Variants in TCL1B observed in about 807,000 individuals in gnomAD.
The protein encoded by TCL1B is T-cell leukemia/lymphoma protein 1B.
A neutral mutation model predicts 16.9 loss-of-function variants in TCL1B; 14 were observed. The observed-to-expected ratio is 0.83, with a 90% CI of 0.55 to 1.30. The LOEUF is 1.30. Among genes scored for constraint, TCL1B ranks in the 50% most tolerant of loss-of-function variants. TCL1B has a pLI of 0.00. For synonymous variants in TCL1B, 79 were observed against 66.6 expected, an observed-to-expected ratio of 1.19 and a Z score of -0.91; for missense variants, 166 against 165.2, an observed-to-expected ratio of 1.00 and a Z score of -0.03.
At position 95,686,438 on chromosome 14, in the gene TCL1B, C is replaced by T. The variant is rs769375233; in HGVS notation, c.-30C>T. The stretch of plus-strand genomic sequence containing the variant: ...CAGCTGGAAAGCTACACGTGTGAGC[C>T]TAGAGGCGGGTCCCGGTTGCAGACT... On this transcript the variant is annotated 5_prime_UTR_variant, in exon 1 of 4. Coordinates refer to ENST00000340722, the MANE Select transcript of TCL1B (RefSeq NM_004918.4). 2 of 1,580,858 alleles carry T rather than the reference C, an allele frequency of 1.3e-6. No homozygotes were observed. The highest frequency in any genetic ancestry group is 1.8e-5 in the Admixed American group (1 of 56,650).
chr14:95,690,366 G>A (rs1885852296), intron 1 of TCL1B, among the ~76,000 whole-genome samples: 1 of 127,300 alleles, frequency 7.9e-6, no homozygotes, highest in Non-Finnish European at 1.6e-5. Context: ...ATTTTGGCGG[G>A]AAAATCTATC....
intron 1 of TCL1B, 55 bp from the exon 2 acceptor site, chr14:95,690,681 C>T (rs1307587299): frequency 6.4e-7 from 1 of 1,572,012 alleles, no homozygotes. Context: ...TGTGTGCAGC[C>T]CAGTTGGCAG....
At chr14:95,689,103 G>A (rs544007068) in intron 1 of TCL1B, among the ~76,000 whole-genome samples, 55 of 152,118 alleles carry the variant, frequency 3.6e-4, no homozygotes, top group East Asian at 1.2e-3. Flanking sequence ...TGGCTAACAC[G>A]GTGAAACCCC....
intron 1 of TCL1B, 60 bp from the exon 2 acceptor site, chr14:95,690,676 G>A (rs1160007538): frequency 1.3e-6 from 2 of 1,560,432 alleles, no homozygotes; most frequent in Non-Finnish European, 1.7e-6. Context: ...TTGCTTGTGT[G>A]CAGCCCAGTT....
At position 95,690,907 on chromosome 14, in the gene TCL1B, G is replaced by C. The variant is rs761312012; in HGVS notation, c.333+1G>C. ...CTGGGAAATAGCAGACCATGGCCAGGCAAGTGTGTGGTGGTTCTAGGTGAA... is the reference window on the plus strand; with the variant it reads ...CTGGGAAATAGCAGACCATGGCCAGCCAAGTGTGTGGTGGTTCTAGGTGAA... On this transcript the variant is annotated splice_donor_variant, in intron 2 of 3. Transcript: ENST00000340722. LOFTEE classifies it high-confidence loss of function. The C allele has an allele frequency of 8.7e-6, 14 of 1,613,094 alleles. No homozygotes were observed. Among genetic ancestry groups the C allele is most frequent in the Non-Finnish European group, 1.1e-5 (13 of 1,179,152 alleles).
intron 1 of TCL1B, among the ~76,000 whole-genome samples, chr14:95,687,166 G>C (rs1267391072): frequency 6.6e-6 from 1 of 152,220 alleles, no homozygotes; most frequent in Non-Finnish European, 1.5e-5. Flanking sequence ...GCCTGGGGAA[G>C]CATTTGACTG....
intron 2 of TCL1B, 119 bp from the exon 3 acceptor site, chr14:95,691,149 C>G: frequency 8.1e-7 from 1 of 1,239,868 alleles, no homozygotes; most frequent in Non-Finnish European, 1.1e-6. Flanking sequence ...AATCCACAAG[C>G]TGGAGTTCCC....
At chr14:95,691,458 A>G (rs1172390866) in intron 3 of TCL1B, 122 bp downstream of exon 3, 3 of 858,022 alleles carry the variant, frequency 3.5e-6, no homozygotes, top group African/African-American at 1.7e-5. Flanking sequence ...TTTCTTACAT[A>G]GCCACCTGTC....
chr14:95,687,305 C>G (rs1206671797), intron 1 of TCL1B, among the ~76,000 whole-genome samples: 1 of 152,106 alleles, frequency 6.6e-6, no homozygotes, highest in Non-Finnish European at 1.5e-5. Flanking sequence ...TAGATCACAG[C>G]CAGTCTTTGA....
chr14:95,690,654 G>T, intron 1 of TCL1B, 82 bp from the exon 2 acceptor site: 1 of 1,462,524 alleles, frequency 6.8e-7, no homozygotes, highest in Non-Finnish European at 9.4e-7. Context: ...GACCCTGGCA[G>T]CCCACTGGCC....
intron 2 of TCL1B, 36 bp from the exon 3 acceptor site, chr14:95,691,232 T>A (rs1393916564): frequency 6.2e-7 from 1 of 1,607,468 alleles, no homozygotes; most frequent in Non-Finnish European, 8.5e-7. Context: ...GAAGAGCATC[T>A]CCCAGAGGTT....
chr14:95,691,376 C>A (rs1005982851), intron 3 of TCL1B, 40 bp downstream of exon 3: 2 of 1,584,270 alleles, frequency 1.3e-6, no homozygotes, highest in East Asian at 2.2e-5. Context: ...AGGGATCAGA[C>A]GAAAGTGAGA....
At chr14:95,686,738 ACT>A in intron 1 of TCL1B, 109 bp downstream of exon 1, 1 of 1,319,242 alleles carries the variant, frequency 7.6e-7, no homozygotes, top group African/African-American at 1.5e-5. Context: ...GCACTGGAAA[ACT>A]CACTTCTGTG....
At chr14:95,687,018 C>T (rs1376289750) in intron 1 of TCL1B, among the ~76,000 whole-genome samples, 1 of 152,160 alleles carries the variant, frequency 6.6e-6, no homozygotes, top group Non-Finnish European at 1.5e-5. Flanking sequence ...AAAAGCATTG[C>T]AGCCTGGAGG....
Position 95,690,800 on chromosome 14 carries a change from C to T in TCL1B, c.227C>T (p.Ser76Phe), listed in dbSNP as rs1814381643. ...GTGCATACCCGGGAGCTACTCTCCTCCGGCCAGATGCCCTTCTCCCAGCTG... is the reference window on the plus strand; with the variant it reads ...GTGCATACCCGGGAGCTACTCTCCTTCGGCCAGATGCCCTTCTCCCAGCTG... ...MAVHTRELLS[S>F]GQMPFSQLPA... The change falls in exon 2 of 4, where the codon TCC (serine) becomes TTC (phenylalanine). Residue 76 changes from serine (S) to phenylalanine (F), a missense_variant. By Grantham distance (155) the Ser-to-Phe change is radical. Transcript: ENST00000340722. 1.9e-6 allele frequency: 3 copies of T among 1,614,138 alleles called. No homozygotes were observed. The highest frequency in any genetic ancestry group is 1.3e-5 in the African/African-American group (1 of 74,946).
At chr14:95,691,145 C>T (rs1743530) in intron 2 of TCL1B, 123 bp from the exon 3 acceptor site, 495,371 of 1,217,694 alleles carry the variant, frequency 0.41, 106,040 homozygotes, top group Non-Finnish European at 0.45. Context: ...GGGAAATCCA[C>T]AAGCTGGAGT....
In TCL1B at chr14:95,686,564, G is replaced by C; in HGVS notation, c.97G>C (p.Val33Leu). 6.2e-7 allele frequency: 1 copy of C among 1,614,012 alleles called. No individual in the cohort carries two copies. Among genetic ancestry groups the C allele is most frequent in the South Asian group, 1.1e-5 (1 of 91,076 alleles). Reference sequence around the variant, plus strand: ...CGAAGATGAGGAGGGGAGAACCTGGGTGACTGTGGTCGTGCGGTTCAATCC... The same window carrying C: ...CGAAGATGAGGAGGGGAGAACCTGGCTGACTGTGGTCGTGCGGTTCAATCC... ...IYEDEEGRTW[V>L]TVVVRFNPSR... The change falls in exon 1 of 4, where the codon GTG becomes CTG. Residue 33 changes from valine (V) to leucine (L), a missense_variant. Coordinates refer to ENST00000340722, the MANE Select transcript of TCL1B (RefSeq NM_004918.4).
Position 95,690,915 on chromosome 14 carries a change from G to T in TCL1B, c.333+9G>T, listed in dbSNP as rs1885872025. On this transcript the variant is annotated intron_variant, in intron 2 of 3. Transcript: ENST00000340722. The stretch of plus-strand genomic sequence containing the variant: ...TAGCAGACCATGGCCAGGCAAGTGT[G>T]TGGTGGTTCTAGGTGAAAGCGACAG... 1.9e-6 allele frequency: 3 copies of T among 1,612,192 alleles called. No individual in the cohort carries two copies. The highest frequency in any genetic ancestry group is 1.3e-5 in the African/African-American group (1 of 74,922).
intron 1 of TCL1B, among the ~76,000 whole-genome samples, chr14:95,686,838 A>G (rs756963674): frequency 3.9e-5 from 6 of 152,126 alleles, no homozygotes; most frequent in Non-Finnish European, 5.9e-5. Context: ...GCTTATCCAC[A>G]TGAGATAATG....
Sources: gnomAD v4.1 joint callset for allele counts (sites outside exome capture counted in the v4.1 genomes callset) on GRCh38, gnomAD v4.1.1 for gene constraint, MANE v1.5 for transcripts, NCBI Gene and HGNC (gene_info 2026-07-23, HGNC 2026-07-21) for gene names.